PEAK1: variants seen among roughly 807,000 people sequenced by gnomAD.
The protein encoded by PEAK1 is inactive tyrosine-protein kinase PEAK1.
PEAK1 carries 54 observed loss-of-function variants against 124.7 expected under a neutral mutation model. The observed-to-expected ratio is 0.43, with a 90% CI of 0.35 to 0.54. PEAK1 has a LOEUF of 0.54. Ranked by LOEUF, PEAK1 falls within the 20% of genes least tolerant of loss-of-function variation. PEAK1 has a pLI of 0.01. For synonymous variants in PEAK1, 719 were observed against 760.0 expected (o/e 0.95, Z 0.89); for missense variants, 2,046 against 2,134.5 (o/e 0.96, Z 0.82).
chr15:77,227,949 T>C (rs1015385978), intron 6 of PEAK1, among the ~76,000 whole-genome samples: 6 of 151,948 alleles, frequency 3.9e-5, no homozygotes, highest in Non-Finnish European at 8.8e-5. Flanking sequence ...TGAGGTATGA[T>C]CACATCACTG....
At chr15:77,321,725 C>A (rs1401492003) in intron 2 of PEAK1, among the ~76,000 whole-genome samples, 1 of 152,158 alleles carries the variant, frequency 6.6e-6, no homozygotes, top group African/African-American at 2.4e-5. Context: ...ACGTGAAGTC[C>A]TTGCCCATGC....
intron 2 of PEAK1, among the ~76,000 whole-genome samples, chr15:77,343,290 C>T (rs2066654388): frequency 6.6e-6 from 1 of 152,022 alleles, no homozygotes. Flanking sequence ...TGCCTTTGAT[C>T]ATTTTTTAAT....
chr15:77,179,088 GCTCTTT>G lies in PEAK1; in HGVS notation c.2833_2838del (p.Lys945_Glu946del). ...AGGCCCACCAGTTTCCCTTTCTCTCGCTCTTTCTCTTTGTCATCCTCCTCATCTGTT... is the reference window on the plus strand; with the variant it reads ...AGGCCCACCAGTTTCCCTTTCTCTCGCTCTTTGTCATCCTCCTCATCTGTT... On this transcript the variant is annotated inframe_deletion, in exon 7 of 10. Coordinates refer to ENST00000682557, the MANE Select transcript of PEAK1 (RefSeq NM_001385026.1). The G allele has an allele frequency of 3.1e-6, 5 of 1,614,104 alleles. No individual in the cohort carries two copies. The highest frequency in any genetic ancestry group is 2.5e-6 in the Non-Finnish European group (3 of 1,180,016).
At chr15:77,407,396 T>C (rs910203312) in intron 1 of PEAK1, among the ~76,000 whole-genome samples, 1 of 151,842 alleles carries the variant, frequency 6.6e-6, no homozygotes, top group African/African-American at 2.4e-5. Context: ...CTATCCAGAA[T>C]CTACATGGAA....
chr15:77,378,188 T>TTTTATATATATA (rs1555497620), intron 1 of PEAK1, among the ~76,000 whole-genome samples: 23 of 129,694 alleles, frequency 1.8e-4, no homozygotes, highest in South Asian at 9.4e-4. Flanking sequence ...TATAACAATA[T>TTTTATATATATA]TATATATATA....
chr15:77,193,142 T>A (rs2057926149), intron 6 of PEAK1, among the ~76,000 whole-genome samples: 1 of 152,204 alleles, frequency 6.6e-6, no homozygotes, highest in East Asian at 1.9e-4. Flanking sequence ...CAAATGAAGT[T>A]GGAGTCAGAG....
chr15:77,185,280 G>A (rs2057484531), intron 6 of PEAK1, among the ~76,000 whole-genome samples: 1 of 152,182 alleles, frequency 6.6e-6, no homozygotes, highest in African/African-American at 2.4e-5. Context: ...TTAGGAGTCT[G>A]AAACATGGAT....
intron 6 of PEAK1, among the ~76,000 whole-genome samples, chr15:77,213,550 G>A (rs66715204): frequency 0.27 from 41,250 of 151,904 alleles, 6,647 homozygotes; most frequent in Middle Eastern, 0.38. Context: ...TTAGCCAAGT[G>A]TGGTAGCAGT....
At chr15:77,297,988 G>A (rs1228887350) in intron 2 of PEAK1, among the ~76,000 whole-genome samples, 2 of 141,520 alleles carry the variant, frequency 1.4e-5, no homozygotes, top group African/African-American at 5.4e-5. Flanking sequence ...AAGCCGGGAA[G>A]CGGAGCTTGC....
At chr15:77,308,445 C>T (rs1346122151) in intron 2 of PEAK1, among the ~76,000 whole-genome samples, 1 of 152,054 alleles carries the variant, frequency 6.6e-6, no homozygotes, top group Non-Finnish European at 1.5e-5. Flanking sequence ...CTGTGCTTTA[C>T]TTTCAACATA....
chr15:77,278,457 C>A (rs1264749289), intron 5 of PEAK1: 1 of 470,440 alleles, frequency 2.1e-6, no homozygotes, highest in Non-Finnish European at 4.2e-6. Context: ...TACCACATCG[C>A]CAGCACCATG....
chr15:77,331,810 G>T (rs906049597), intron 2 of PEAK1, among the ~76,000 whole-genome samples: 1 of 151,860 alleles, frequency 6.6e-6, no homozygotes, highest in Non-Finnish European at 1.5e-5. Flanking sequence ...TAGAGACAGG[G>T]TCTCACCATA....
intron 1 of PEAK1, chr15:77,417,558 G>A (rs1380154100): frequency 1.0e-6 from 1 of 985,214 alleles, no homozygotes; most frequent in Non-Finnish European, 1.2e-6. Flanking sequence ...ACTGAAAACA[G>A]GGATTTGCAA....
intron 2 of PEAK1, among the ~76,000 whole-genome samples, chr15:77,298,418 C>G (rs1279868173): frequency 4.6e-5 from 7 of 151,114 alleles, no homozygotes; most frequent in Non-Finnish European, 7.4e-5. Flanking sequence ...CGGGGTTTCA[C>G]TGTGTTAGCC....
chr15:77,187,083 A>AT, intron 6 of PEAK1, among the ~76,000 whole-genome samples: 1 of 152,214 alleles, frequency 6.6e-6, no homozygotes, highest in Non-Finnish European at 1.5e-5. Context: ...GAGCACCCAA[A>AT]TGGAATGTTT....
intron 7 of PEAK1, among the ~76,000 whole-genome samples, chr15:77,160,872 A>G (rs531282133): frequency 1.3e-5 from 2 of 152,236 alleles, no homozygotes; most frequent in South Asian, 4.1e-4. Flanking sequence ...TTTGTCAAAA[A>G]GGGTTGGTGA....
intron 6 of PEAK1, among the ~76,000 whole-genome samples, chr15:77,208,516 G>C (rs895404640): frequency 4.6e-5 from 7 of 152,112 alleles, no homozygotes; most frequent in Non-Finnish European, 7.4e-5. Context: ...ATATCAGTGA[G>C]GCCAGCAACT....
chr15:77,210,310 T>C (rs1423399834), intron 6 of PEAK1, among the ~76,000 whole-genome samples: 1 of 152,198 alleles, frequency 6.6e-6, no homozygotes, highest in Non-Finnish European at 1.5e-5. Context: ...CATTAGTTTG[T>C]TCTTGCAGAT....
chr15:77,335,709 T>C, intron 2 of PEAK1: 1 of 923,484 alleles, frequency 1.1e-6, no homozygotes, highest in Non-Finnish European at 1.3e-6. Flanking sequence ...CAGGCTGGTC[T>C]CAAACTACTG....
Sources: gnomAD v4.1 joint callset for allele counts (sites outside exome capture counted in the v4.1 genomes callset) on GRCh38, gnomAD v4.1.1 for gene constraint, MANE v1.5 for transcripts, NCBI Gene and HGNC (gene_info 2026-07-23, HGNC 2026-07-21) for gene names.